The following UGT1A8 variants were observed in gnomAD, a reference collection of about 807,000 sequenced individuals.
UGT1A8 encodes UDP glucuronosyltransferase family 1 member A8.
A neutral mutation model predicts 45.3 loss-of-function variants in UGT1A8; 39 were observed. That is an observed-to-expected ratio of 0.86 (90% CI 0.67 to 1.12). The LOEUF (loss-of-function observed/expected upper bound fraction) is 1.12, where lower values mean the gene tolerates loss of function less well. UGT1A8 is among the 50% of genes most tolerant of loss of function. UGT1A8 has a pLI of 0.00. For missense variants in UGT1A8, 719 were observed against 664.9 expected (o/e 1.08, Z -0.90); for synonymous variants, 275 against 249.2 (o/e 1.10, Z -0.97).
intron 1 of UGT1A8, chr2:233,761,072 A>T (rs1451879441): frequency 1.2e-6 from 2 of 1,614,208 alleles, no homozygotes; most frequent in Non-Finnish European, 1.7e-6. Flanking sequence ...GACTTTGTGA[A>T]GGATTACCCT....
Position 233,693,150 on chromosome 2 carries a change from T to G in UGT1A8, c.856-73884T>G, listed in dbSNP as rs768130153. ...AGTATGAAGGATATAGTTGAGGTTC[T>G]CAGTGACCGGGGTCATGAGATTGTA... On this transcript the variant is annotated intron_variant, in intron 1 of 4. Coordinates refer to ENST00000373450, the MANE Select transcript of UGT1A8 (RefSeq NM_019076.5). 12 of 1,614,140 alleles carry G rather than the reference T, an allele frequency of 7.4e-6. No individual in the cohort carries two copies. The Admixed American group carries it at 2.0e-4, about 27-fold the overall frequency.
intron 1 of UGT1A8, among the ~76,000 whole-genome samples, chr2:233,742,284 C>A (rs1006206335): frequency 1.3e-5 from 2 of 151,974 alleles, no homozygotes; most frequent in Non-Finnish European, 2.9e-5. Context: ...AGCATCATTT[C>A]TATAGATTAT....
intron 1 of UGT1A8, chr2:233,672,197 G>C (rs148603525): frequency 1.4e-5 from 23 of 1,614,132 alleles, no homozygotes; most frequent in South Asian, 7.7e-5. Flanking sequence ...GATCTGGACC[G>C]GGAGTTCAAG....
intron 1 of UGT1A8, chr2:233,718,888 A>G (rs1440717664): frequency 6.2e-7 from 1 of 1,613,998 alleles, no homozygotes; most frequent in Non-Finnish European, 8.5e-7. Context: ...CTCAGTGTCC[A>G]GCCCTGGGCT....
chr2:233,654,394 C>T (rs1234663655), intron 1 of UGT1A8, among the ~76,000 whole-genome samples: 3 of 152,162 alleles, frequency 2.0e-5, no homozygotes, highest in Non-Finnish European at 2.9e-5. Flanking sequence ...AACCCTATAG[C>T]ATCTTGTTTC....
At chr2:233,693,328 TCAGA>T (rs1300853040) in intron 1 of UGT1A8, 5 of 1,614,230 alleles carry the variant, frequency 3.1e-6, no homozygotes, top group Admixed American at 1.7e-5. Flanking sequence ...TAACTGCTCC[TCAGA>T]CAGAGTACAG....
chr2:233,716,347 A>G (rs553481332), intron 1 of UGT1A8, among the ~76,000 whole-genome samples: 2 of 152,336 alleles, frequency 1.3e-5, no homozygotes, highest in East Asian at 1.9e-4. Flanking sequence ...CGCAACTACA[A>G]TGTAGATACT....
chr2:233,729,665 T>C, intron 1 of UGT1A8: 1 of 1,613,966 alleles, frequency 6.2e-7, no homozygotes, highest in Non-Finnish European at 8.5e-7. Context: ...CCATGTGATT[T>C]AGACTTTAAG....
chr2:233,655,159 A>G (rs2073829501), intron 1 of UGT1A8, among the ~76,000 whole-genome samples: 1 of 152,148 alleles, frequency 6.6e-6, no homozygotes, highest in African/African-American at 2.4e-5. Context: ...AGTGAACAGA[A>G]TACTTTCTGT....
chr2:233,689,916 G>C, intron 1 of UGT1A8: 1 of 456,658 alleles, frequency 2.2e-6, no homozygotes, highest in South Asian at 1.5e-5. Context: ...TAGGTGCCTG[G>C]AATTTCCTTC....
chr2:233,746,453 C>T (rs1693396271), intron 1 of UGT1A8, among the ~76,000 whole-genome samples: 1 of 151,712 alleles, frequency 6.6e-6, no homozygotes, highest in South Asian at 2.1e-4. Flanking sequence ...AAGAAAGTAC[C>T]TTCAAAAGGG....
intron 1 of UGT1A8, chr2:233,682,683 C>A (rs781284168): frequency 6.2e-7 from 1 of 1,613,862 alleles, no homozygotes; most frequent in Admixed American, 1.7e-5. Flanking sequence ...AGCCACACAT[C>A]AATTTGGTTG....
At chr2:233,726,564 T>TA (rs1292410166) in intron 1 of UGT1A8, among the ~76,000 whole-genome samples, 1 of 152,188 alleles carries the variant, frequency 6.6e-6, no homozygotes, top group Non-Finnish European at 1.5e-5. Flanking sequence ...CTCCCACTCT[T>TA]ACGCCTGTCT....
chr2:233,688,315 G>A (rs2074887766), intron 1 of UGT1A8, among the ~76,000 whole-genome samples: 3 of 152,154 alleles, frequency 2.0e-5, no homozygotes. Context: ...TCATCAGTTG[G>A]TGGACATTTG....
chr2:233,633,937 T>G (rs889359231), intron 1 of UGT1A8, among the ~76,000 whole-genome samples: 1 of 152,238 alleles, frequency 6.6e-6, no homozygotes, highest in Non-Finnish European at 1.5e-5. Context: ...CTTTCTCCTG[T>G]GGGCATTTAG....
At chr2:233,619,433 A>T (rs1223629788) in intron 1 of UGT1A8, among the ~76,000 whole-genome samples, 1 of 152,078 alleles carries the variant, frequency 6.6e-6, no homozygotes, top group East Asian at 1.9e-4. Context: ...ATATTTCTAT[A>T]TTCTTGCTTT....
At chr2:233,640,564 A>G (rs1364227560) in intron 1 of UGT1A8, among the ~76,000 whole-genome samples, 2 of 152,184 alleles carry the variant, frequency 1.3e-5, no homozygotes, top group Non-Finnish European at 2.9e-5. Flanking sequence ...TCAGAAATAA[A>G]CCCATACATC....
chr2:233,743,960 G>T, intron 1 of UGT1A8: 4 of 1,334,214 alleles, frequency 3.0e-6, no homozygotes, highest in Admixed American at 2.0e-5. Context: ...CACAGCGAGC[G>T]GCAAGGCTGC....
intron 1 of UGT1A8, chr2:233,682,089 G>A: frequency 1.2e-6 from 2 of 1,614,054 alleles, no homozygotes; most frequent in South Asian, 2.2e-5. Context: ...CTCATCCTCA[G>A]GGGGCATGAG....
Sources: allele counts gnomAD v4.1 joint callset (sites outside exome capture counted in the v4.1 genomes callset), GRCh38; gene constraint gnomAD v4.1.1; transcripts MANE v1.5; gene names NCBI Gene and HGNC (gene_info 2026-07-23, HGNC 2026-07-21).